Variants in SORCS3 observed in about 807,000 individuals in gnomAD.
SORCS3 encodes sortilin related VPS10 domain containing receptor 3, also known as VPS10 domain-containing receptor SorCS3.
In SORCS3, 57 loss-of-function variants were observed where a neutral mutation model predicts 146.3. The observed-to-expected ratio is 0.39, with a 90% CI of 0.31 to 0.49. The LOEUF (loss-of-function observed/expected upper bound fraction) is 0.49. Among genes scored for constraint, SORCS3 ranks in the 20% least tolerant of loss-of-function variants. SORCS3 has a pLI of 0.92. For missense variants in SORCS3, 1,341 were observed against 1,575.5 expected, an observed-to-expected ratio of 0.85 and a Z score of 2.52; for synonymous variants, 653 against 618.5, an observed-to-expected ratio of 1.06 and a Z score of -0.83.
intron 3 of SORCS3, among the ~76,000 whole-genome samples, chr10:104,972,203 T>C (rs529842444): frequency 6.6e-6 from 1 of 152,248 alleles, no homozygotes; most frequent in South Asian, 2.1e-4. Flanking sequence ...AGAACATACA[T>C]TATGCCCTGT....
intron 5 of SORCS3, among the ~76,000 whole-genome samples, chr10:105,061,498 T>A (rs1483471291): frequency 5.9e-5 from 9 of 151,844 alleles, no homozygotes; most frequent in African/African-American, 1.9e-4. Flanking sequence ...GGTTTCACCG[T>A]GTTAGCCAGG....
chr10:104,907,494 C>T (rs1309773949), intron 2 of SORCS3, among the ~76,000 whole-genome samples: 1 of 152,148 alleles, frequency 6.6e-6, no homozygotes, highest in Admixed American at 6.5e-5. Context: ...TATACTTCAG[C>T]CTCTGTCCTA....
At chr10:105,080,920 T>G (rs891822570) in intron 5 of SORCS3, among the ~76,000 whole-genome samples, 1 of 152,206 alleles carries the variant, frequency 6.6e-6, no homozygotes, top group South Asian at 2.1e-4. Flanking sequence ...AAGGACTCCC[T>G]GTTCAACAAA....
At chr10:104,701,526 G>A (rs558183997) in intron 1 of SORCS3, among the ~76,000 whole-genome samples, 132 of 152,260 alleles carry the variant, frequency 8.7e-4, no homozygotes, top group African/African-American at 3.1e-3. Flanking sequence ...TGAGCCCAAC[G>A]GATCGTAGCC....
intron 1 of SORCS3, among the ~76,000 whole-genome samples, chr10:104,738,003 A>G (rs547835872): frequency 0.024 from 3,706 of 151,390 alleles, 150 homozygotes; most frequent in African/African-American, 0.082. Flanking sequence ...TGGCTAGCCA[A>G]TTTTCCCAGC....
chr10:104,879,879 A>G (rs1191601084), intron 2 of SORCS3, among the ~76,000 whole-genome samples: 2 of 152,174 alleles, frequency 1.3e-5, no homozygotes, highest in Non-Finnish European at 2.9e-5. Flanking sequence ...GGTAGAATCA[A>G]TGGGTGGCAA....
intron 23 of SORCS3, among the ~76,000 whole-genome samples, chr10:105,253,306 G>A (rs921362453): frequency 6.6e-6 from 1 of 152,142 alleles, no homozygotes; most frequent in Admixed American, 6.5e-5. Flanking sequence ...AACTGCACTG[G>A]CCCTTAAAGA....
intron 1 of SORCS3, among the ~76,000 whole-genome samples, chr10:104,769,089 A>G (rs2017216935): frequency 6.6e-6 from 1 of 152,140 alleles, no homozygotes; most frequent in South Asian, 2.1e-4. Context: ...TCCTGTTTTC[A>G]TGAGTGGAAG....
chr10:104,906,675 A>C (rs564110042), intron 2 of SORCS3, among the ~76,000 whole-genome samples: 61 of 152,294 alleles, frequency 4.0e-4, no homozygotes, highest in South Asian at 3.1e-3. Context: ...CTCTGAAATG[A>C]ATCCTCTTGT....
At chr10:104,755,168 A>G (rs888841817) in intron 1 of SORCS3, among the ~76,000 whole-genome samples, 1 of 152,226 alleles carries the variant, frequency 6.6e-6, no homozygotes, top group Non-Finnish European at 1.5e-5. Context: ...TTTGTTTGGA[A>G]TTATTGACTA....
chr10:104,880,153 A>T (rs565472823), intron 2 of SORCS3, among the ~76,000 whole-genome samples: 44 of 152,324 alleles, frequency 2.9e-4, no homozygotes, highest in African/African-American at 1.0e-3. Flanking sequence ...ATTCCTTATT[A>T]TACTTCCTTA....
chr10:104,906,542 A>G (rs1392477852), intron 2 of SORCS3, among the ~76,000 whole-genome samples: 1 of 152,220 alleles, frequency 6.6e-6, no homozygotes, highest in Admixed American at 6.5e-5. Flanking sequence ...TAGTAGGGCT[A>G]TATAAGCTTC....
chr10:105,062,185 T>C (rs2055492272), intron 5 of SORCS3, among the ~76,000 whole-genome samples: 1 of 152,236 alleles, frequency 6.6e-6, no homozygotes, highest in Non-Finnish European at 1.5e-5. Flanking sequence ...TTATGTGATG[T>C]CAAGCAATGT....
At chr10:105,084,876 G>A (rs1350023605) in intron 5 of SORCS3, among the ~76,000 whole-genome samples, 3 of 151,842 alleles carry the variant, frequency 2.0e-5, no homozygotes, top group Admixed American at 6.6e-5. Context: ...GACTACAGGC[G>A]CCCACCACCA....
chr10:104,873,168 A>G (rs940115788), intron 2 of SORCS3, among the ~76,000 whole-genome samples: 1 of 152,256 alleles, frequency 6.6e-6, no homozygotes, highest in Non-Finnish European at 1.5e-5. Context: ...AAGCTGGCAG[A>G]AAATAGAAAC....
At chr10:104,972,369 C>T (rs1198234916) in intron 3 of SORCS3, among the ~76,000 whole-genome samples, 1 of 152,142 alleles carries the variant, frequency 6.6e-6, no homozygotes, top group African/African-American at 2.4e-5. Flanking sequence ...ATATTTCTGT[C>T]CACTTGACTG....
At position 104,697,647 on chromosome 10, in the gene SORCS3, T is replaced by C. The variant is rs368433310; in HGVS notation, c.627+55693T>C. On this transcript the variant is annotated intron_variant, in intron 1 of 26. Coordinates refer to ENST00000369701, the MANE Select transcript of SORCS3 (RefSeq NM_014978.3). ...GGGCATGGGCTTTGATCTGAGTGCA[T>C]TTATGGATGATCACAGGGCTGTCAC... Among the ~76,000 whole-genome samples, 3 of 152,160 alleles carry C rather than the reference T, an allele frequency of 2.0e-5. No individual in the cohort carries two copies. The East Asian group carries it at 5.8e-4, about 29-fold the overall frequency.
chr10:104,762,553 T>G (rs2017134030), intron 1 of SORCS3, among the ~76,000 whole-genome samples: 2 of 152,148 alleles, frequency 1.3e-5, no homozygotes, highest in South Asian at 4.1e-4. Flanking sequence ...CTTGGTGATA[T>G]GGTTTGGCTC....
intron 3 of SORCS3, among the ~76,000 whole-genome samples, chr10:104,957,698 C>T (rs1424138475): frequency 4.6e-5 from 7 of 152,074 alleles, no homozygotes; most frequent in Admixed American, 1.3e-4. Context: ...GCAGCTGGGG[C>T]TCCTCATTAT....
Sources: allele counts gnomAD v4.1 joint callset (sites outside exome capture counted in the v4.1 genomes callset), GRCh38; gene constraint gnomAD v4.1.1; transcripts MANE v1.5; gene names NCBI Gene and HGNC (gene_info 2026-07-23, HGNC 2026-07-21).